DNAAF19: variants seen among roughly 807,000 people sequenced by gnomAD.
The protein encoded by DNAAF19 is dynein axonemal assembly factor 19.
the DNAAF19 span, chr17:44,901,607 T>TGC: frequency 6.2e-7 from 1 of 1,614,150 alleles, no homozygotes. Flanking sequence ...ACTGTCACAC[T>TGC]ATTCAGGGAA....
chr17:44,902,517 TC>T, the DNAAF19 span: 1 of 1,614,180 alleles, frequency 6.2e-7, no homozygotes, highest in African/African-American at 1.3e-5. Flanking sequence ...GATTTGGACT[TC>T]TTGGGGAGCT....
At chr17:44,903,895 G>A in the DNAAF19 span, 1 of 1,550,540 alleles carries the variant, frequency 6.4e-7, no homozygotes, top group Non-Finnish European at 8.7e-7. Flanking sequence ...AAATTGTGGA[G>A]AAGGAAAACA....
chr17:44,904,262 G>A, the DNAAF19 span: 15 of 1,550,334 alleles, frequency 9.7e-6, no homozygotes, highest in Middle Eastern at 1.7e-4. Context: ...GAACAGTGAG[G>A]GAATGGTGGC....
the DNAAF19 span, chr17:44,902,946 GC>G: frequency 7.0e-7 from 1 of 1,433,680 alleles, no homozygotes; most frequent in Non-Finnish European, 9.1e-7. Context: ...AATTTTCAGA[GC>G]AAAAACAGGA....
chr17:44,901,829 A>G, the DNAAF19 span, among the ~76,000 whole-genome samples: 1 of 152,166 alleles, frequency 6.6e-6, no homozygotes, highest in Non-Finnish European at 1.5e-5. Flanking sequence ...AGAAAAACAA[A>G]CAGCAGATGG....
At chr17:44,903,927 C>T in the DNAAF19 span, 2 of 1,550,470 alleles carry the variant, frequency 1.3e-6, no homozygotes, top group Non-Finnish European at 1.7e-6. Flanking sequence ...ACCCCCTGCC[C>T]TGCTTTCCTG....
the DNAAF19 span, chr17:44,904,822 C>T: frequency 1.5e-5 from 23 of 1,550,586 alleles, no homozygotes; most frequent in Non-Finnish European, 1.7e-5. Context: ...ACCAGCTCCA[C>T]ATCCGCTTCA....
At chr17:44,904,220 GA>G in the DNAAF19 span, 1 of 1,550,586 alleles carries the variant, frequency 6.4e-7, no homozygotes, top group East Asian at 2.4e-5. Context: ...CCGCAAGGGG[GA>G]CTACTTTTAC....
chr17:44,905,056 C>T, the DNAAF19 span: 2 of 1,542,888 alleles, frequency 1.3e-6, no homozygotes, highest in East Asian at 4.9e-5. Context: ...ACTGTTGTCC[C>T]AGCTTCTCCC....
At chr17:44,901,080 C>T in the DNAAF19 span, 60 of 1,604,102 alleles carry the variant, frequency 3.7e-5, no homozygotes, top group Admixed American at 2.7e-4. Context: ...GAAGTACAAA[C>T]GGGAGAATGC....
the DNAAF19 span, chr17:44,903,491 C>T: frequency 3.1e-6 from 4 of 1,274,996 alleles, no homozygotes; most frequent in Admixed American, 7.4e-5. Flanking sequence ...GATCTCCCTG[C>T]CCGAGCACCT....
the DNAAF19 span, chr17:44,903,658 G>T: frequency 7.0e-7 from 1 of 1,433,706 alleles, no homozygotes; most frequent in African/African-American, 1.4e-5. Context: ...CATCCACTGG[G>T]AATAAATTGC....
the DNAAF19 span, chr17:44,903,541 T>G: frequency 5.2e-6 from 7 of 1,351,442 alleles, no homozygotes; most frequent in Non-Finnish European, 6.6e-6. Flanking sequence ...TGACCCATTC[T>G]TGGGTGAGCG....
chr17:44,904,360 C>T, the DNAAF19 span: 11 of 1,544,074 alleles, frequency 7.1e-6, no homozygotes, highest in South Asian at 1.3e-4. Context: ...AATGGACCCC[C>T]TGTGACCGCT....
chr17:44,902,831 C>G, the DNAAF19 span: 2 of 1,523,262 alleles, frequency 1.3e-6, no homozygotes, highest in Non-Finnish European at 1.8e-6. Flanking sequence ...GGCAAGCTAC[C>G]CTCAGAGGTC....
chr17:44,904,068 C>T, the DNAAF19 span: 39 of 1,550,520 alleles, frequency 2.5e-5, no homozygotes, highest in African/African-American at 3.0e-4. Flanking sequence ...AAAGTGCTGA[C>T]GGACTTTGAT....
At chr17:44,901,044 C>T in the DNAAF19 span, 1 of 1,599,636 alleles carries the variant, frequency 6.3e-7, no homozygotes, top group Admixed American at 1.8e-5. Context: ...GGAGAAAGAG[C>T]TGCAGGCTGC....
chr17:44,901,640 T>C, the DNAAF19 span: 3 of 1,614,184 alleles, frequency 1.9e-6, no homozygotes, highest in East Asian at 2.2e-5. Context: ...ATGTGGCCAC[T>C]GAAATCTCCC....
At chr17:44,902,283 A>C in the DNAAF19 span, 1 of 1,550,448 alleles carries the variant, frequency 6.4e-7, no homozygotes, top group Non-Finnish European at 8.9e-7. Flanking sequence ...AGTAAGATGA[A>C]GAGCTACAGG....
Sources: gnomAD v4.1 joint callset for allele counts (sites outside exome capture counted in the v4.1 genomes callset) on GRCh38, gnomAD v4.1.1 for gene constraint, MANE v1.5 for transcripts, NCBI Gene and HGNC (gene_info 2026-07-23, HGNC 2026-07-21) for gene names.